FCRL4: variants seen among roughly 807,000 people sequenced by gnomAD.
The protein encoded by FCRL4 is Fc receptor like 4.
In FCRL4, 43 loss-of-function variants were observed where a neutral mutation model predicts 64.1. The ratio of observed to expected loss-of-function variants is 0.67; its 90% CI spans 0.53 to 0.87. The LOEUF is 0.87. FCRL4 is among the 40% of genes least tolerant of loss of function. The pLI, the probability that FCRL4 is intolerant of heterozygous loss-of-function variation, is 0.00. For synonymous variants in FCRL4, 253 were observed against 239.8 expected, an observed-to-expected ratio of 1.05 and a Z score of -0.51; for missense variants, 656 against 613.5, an observed-to-expected ratio of 1.07 and a Z score of -0.73.
At position 157,589,241 on chromosome 1, in the gene FCRL4, G is replaced by A. The variant is rs777772564; in HGVS notation, c.270C>T (p.Ser90=). Residue 90 remains serine, a synonymous_variant, in exon 3 of 12, where the codon TCC becomes TCT. Coordinates refer to ENST00000271532, the MANE Select transcript of FCRL4 (RefSeq NM_031282.3). ...SGLYRCQARG[S]PRSNPVRLLF... ...GCAAGCGCACAGGGTTACTTCGTGG[G>A]GAGCCCCGGGCCTGGCATCTGTACA... The A allele has an allele frequency of 8.7e-6, 14 of 1,614,022 alleles. No homozygotes were observed. The highest frequency in any genetic ancestry group is 1.1e-5 in the Non-Finnish European group (13 of 1,180,018).
intron 2 of FCRL4, among the ~76,000 whole-genome samples, chr1:157,593,393 T>C (rs1652882621): frequency 6.6e-6 from 1 of 152,156 alleles, no homozygotes; most frequent in African/African-American, 2.4e-5. Flanking sequence ...CTTTCTCCAA[T>C]GTGCTAAACT....
intron 2 of FCRL4, among the ~76,000 whole-genome samples, chr1:157,590,747 G>C (rs1002191382): frequency 6.6e-6 from 1 of 152,058 alleles, no homozygotes; most frequent in African/African-American, 2.4e-5. Flanking sequence ...TCTATCTCCT[G>C]ACCTCGTGAT....
rs542587503 is a variant in FCRL4, at chr1:157,586,410, C to A, written c.893G>T (p.Gly298Val). 2.1e-5 allele frequency: 34 copies of A among 1,612,446 alleles called. No homozygotes were observed. The Middle Eastern group carries it at 6.6e-4, about 31-fold the overall frequency. The change falls in exon 6 of 12, where the codon GGC becomes GTC. Residue 298 changes from glycine (G) to valine (V), a missense_variant. Gly to Val is a moderately radical substitution (Grantham distance 109). Transcript: ENST00000271532. Reference sequence around the variant, plus strand: ...CAGCATCTCCCCTTCAACAGCCTGGCCCCCTGAGGGCTGGGTCTCCAGGAG... The same window carrying A: ...CAGCATCTCCCCTTCAACAGCCTGGACCCCTGAGGGCTGGGTCTCCAGGAG... ...GVLLETQPSG[G>V]QAVEGEMLVL...
chr1:157,589,214 G>A lies in FCRL4; in HGVS notation c.297C>T (p.Leu99=). Residue 99 remains leucine, a synonymous_variant, in exon 3 of 12, where the codon CTC becomes CTT. Transcript: ENST00000271532. ...CACCTTCTTTCTCACCTGAAGAAAA[G>A]AGCAAGCGCACAGGGTTACTTCGTG... ...GSPRSNPVRL[L]FSSDSLILQA... The A allele has an allele frequency of 6.2e-7, 1 of 1,613,034 alleles. No individual in the cohort carries two copies. The highest frequency in any genetic ancestry group is 1.1e-5 in the South Asian group (1 of 90,994).
chr1:157,574,607 A>T lies in FCRL4; in HGVS notation c.*917T>A. On this transcript the variant is annotated 3_prime_UTR_variant, in exon 12 of 12. Transcript: ENST00000271532. ...TCAAAGACACAGTTCCTACAAGAAA[A>T]GCAACCTTATTTCCTTTGAGAAGGG... 1 of 208,626 alleles carries T rather than the reference A, an allele frequency of 4.8e-6. No individual in the cohort carries two copies. Among genetic ancestry groups the T allele is most frequent in the Non-Finnish European group, 9.8e-6 (1 of 102,490 alleles). 12.9% of individuals were successfully genotyped at this position (208,626 alleles called of 1,614,324 possible).
chr1:157,586,471 A>G lies in FCRL4; in HGVS notation c.848-16T>C. The G allele has an allele frequency of 6.3e-7, 1 of 1,591,826 alleles. No individual in the cohort carries two copies. On this transcript the variant is annotated splice_polypyrimidine_tract_variant and intron_variant, in intron 5 of 11. Transcript: ENST00000271532. ...ACAGGGATCCCTATGTGAAAATGAG[A>G]CCACAGGTGGGGGTCGGGTGTGAAG...
intron 6 of FCRL4, among the ~76,000 whole-genome samples, chr1:157,584,150 A>T (rs1394534158): frequency 6.6e-6 from 1 of 152,206 alleles, no homozygotes; most frequent in Non-Finnish European, 1.5e-5. Flanking sequence ...TTCCTGAGGT[A>T]AACTTTTCAG....
Position 157,573,828 on chromosome 1 carries a change from A to G in FCRL4, c.*1696T>C, listed in dbSNP as rs1350103979. On this transcript the variant is annotated 3_prime_UTR_variant, in exon 12 of 12. Coordinates refer to ENST00000271532, the MANE Select transcript of FCRL4 (RefSeq NM_031282.3). ...CTTTTGCTTTTATAAAAACATCACTACAATAAACTATCACTTATATCCAAA... is the reference window on the plus strand; with the variant it reads ...CTTTTGCTTTTATAAAAACATCACTGCAATAAACTATCACTTATATCCAAA... 1 of 188,372 alleles carries G rather than the reference A, an allele frequency of 5.3e-6. No homozygotes were observed. Among genetic ancestry groups the G allele is most frequent in the Non-Finnish European group, 1.1e-5 (1 of 90,860 alleles). 11.7% of individuals were successfully genotyped at this position (188,372 alleles called of 1,614,324 possible). A position where few individuals can be genotyped will look rare whatever the true frequency, so the allele number is the denominator to read the frequency against.
chr1:157,578,446 C>A (rs1000463315), intron 10 of FCRL4, 28 bp downstream of exon 10: 2 of 1,566,924 alleles, frequency 1.3e-6, no homozygotes, highest in East Asian at 4.5e-5. Context: ...ATATAGTTTG[C>A]AGCCAGAATC....
rs1653007817 is a variant in FCRL4 at position 157,598,077 on chromosome 1, T to G, written c.-133A>C. Reference sequence around the variant, plus strand: ...AGCTTCTTCTCTGCATAAAGCTGATTGAGATAATGAAGTGAAAGGGGGAAG... The same window carrying G: ...AGCTTCTTCTCTGCATAAAGCTGATGGAGATAATGAAGTGAAAGGGGGAAG... On this transcript the variant is annotated 5_prime_UTR_variant, in exon 1 of 12. Coordinates refer to ENST00000271532, the MANE Select transcript of FCRL4 (RefSeq NM_031282.3). The G allele has an allele frequency of 3.1e-6, 2 of 651,830 alleles. No individual in the cohort carries two copies. Among genetic ancestry groups the G allele is most frequent in the Non-Finnish European group, 2.8e-6 (1 of 358,228 alleles). The allele number at this position is 651,830 out of a possible 1,614,324, so 40.4% of individuals were successfully genotyped here. A position where few individuals can be genotyped will look rare whatever the true frequency, so the allele number is the denominator to read the frequency against.
chr1:157,576,603 T>A (rs536225421), intron 10 of FCRL4, among the ~76,000 whole-genome samples: 5 of 152,178 alleles, frequency 3.3e-5, no homozygotes, highest in Non-Finnish European at 4.4e-5. Context: ...GCTTAAATGG[T>A]GTTTTGATAA....
intron 5 of FCRL4, 22 bp downstream of exon 5, chr1:157,587,254 T>C (rs368580755): frequency 1.8e-4 from 290 of 1,607,696 alleles, no homozygotes; most frequent in Non-Finnish European, 2.4e-4. Flanking sequence ...GCAGGGAAGA[T>C]GCCTGGCTCT....
In FCRL4 at chr1:157,589,321, C is replaced by A. The variant is rs1178118367; in HGVS notation, c.190G>T (p.Gly64Ter). Residue 64 changes from glycine (G) to a stop codon, truncating the protein, a stop_gained, in exon 3 of 12, where the codon GGA (glycine) becomes TGA (stop). Coordinates refer to ENST00000271532, the MANE Select transcript of FCRL4 (RefSeq NM_031282.3). LOFTEE classifies it high-confidence loss of function. ...CCTGGGGTCAGGGTCAACTTTTCTC[C>A]CCAGTAGTGCCGATGATACCATGTT... ...KTTWYHRHYWGEKLTLTPGNT... is the reference protein window; with the variant it reads ...KTTWYHRHYW 6.2e-7 allele frequency: 1 copy of A among 1,614,054 alleles called. No individual in the cohort carries two copies.
At chr1:157,586,531 G>C (rs559139713) in intron 5 of FCRL4, 76 bp from the exon 6 acceptor site, 8 of 1,405,680 alleles carry the variant, frequency 5.7e-6, no homozygotes. Context: ...TGTTGGGCAG[G>C]GTTACTTTTT....
chr1:157,586,282 T>G lies in FCRL4; in HGVS notation c.1021A>C (p.Arg341=). ...ATGGCAGGGAGCTCCAGCTCTGCTCTCAGGGAACGCTGAGTTTTCCTCCCC... is the reference window on the plus strand; with the variant it reads ...ATGGCAGGGAGCTCCAGCTCTGCTCGCAGGGAACGCTGAGTTTTCCTCCCC... The part of the protein sequence containing the change: ...SLGRKTQRSL[R]AELELPAIRQ... Residue 341 remains arginine, a synonymous_variant, in exon 6 of 12, where the codon AGA becomes CGA. Transcript: ENST00000271532. The G allele has an allele frequency of 6.2e-7, 1 of 1,614,056 alleles. No homozygotes were observed. Among genetic ancestry groups the G allele is most frequent in the South Asian group, 1.1e-5 (1 of 91,068 alleles).
intron 1 of FCRL4, 31 bp from the exon 2 acceptor site, chr1:157,596,379 G>A (rs371249932): frequency 6.8e-5 from 109 of 1,613,542 alleles, no homozygotes; most frequent in African/African-American, 1.2e-4. Context: ...AGCCATCAGC[G>A]TAGGCGAAGA....
chr1:157,596,621 C>T (rs566302628), intron 1 of FCRL4, among the ~76,000 whole-genome samples: 5 of 152,272 alleles, frequency 3.3e-5, no homozygotes, highest in South Asian at 2.1e-4. Context: ...CTCATGAAAG[C>T]GACCTCATAG....
At position 157,578,823 on chromosome 1, in the gene FCRL4, GA is replaced by G; in HGVS notation, c.1306del (p.Ser436ProfsTer49). On this transcript the variant is annotated frameshift_variant, in exon 9 of 12. Coordinates refer to ENST00000271532, the MANE Select transcript of FCRL4 (RefSeq NM_031282.3). LOFTEE classifies it high-confidence loss of function. Reference protein sequence around the residue: ...RLPPAPGPGESSHSICPAQVE... With the variant: ...RLPPAPGPGEXSHSICPAQVE... The stretch of plus-strand genomic sequence containing the variant: ...CTGGGCAGGGCAGATGGAATGGGAG[GA>G]CTCTCCTGGGCCTGGAGCGGGAGGG... 6.2e-7 allele frequency: 1 copy of G among 1,613,790 alleles called. No homozygotes were observed. Among genetic ancestry groups the G allele is most frequent in the East Asian group, 2.2e-5 (1 of 44,858 alleles).
intron 2 of FCRL4, among the ~76,000 whole-genome samples, chr1:157,589,872 C>G (rs1396517206): frequency 6.6e-6 from 1 of 152,184 alleles, no homozygotes; most frequent in African/African-American, 2.4e-5. Context: ...AAGATGCCAT[C>G]TCCAGATTTG....
Sources: gnomAD v4.1 joint callset for allele counts (sites outside exome capture counted in the v4.1 genomes callset) on GRCh38, gnomAD v4.1.1 for gene constraint, MANE v1.5 for transcripts, NCBI Gene and HGNC (gene_info 2026-07-23, HGNC 2026-07-21) for gene names.